KIF6: variants seen among roughly 807,000 people sequenced by gnomAD.
The protein encoded by KIF6 is kinesin family member 6.
Under a neutral mutation model 112.7 loss-of-function variants are expected in KIF6, and 106 were observed. The observed-to-expected ratio is 0.94, with a 90% CI of 0.80 to 1.11. The LOEUF (loss-of-function observed/expected upper bound fraction) is 1.11, where lower values mean the gene tolerates loss of function less well. Among genes scored for constraint, KIF6 ranks in the 50% least tolerant of loss-of-function variants. The pLI, the probability that KIF6 is intolerant of heterozygous loss-of-function variation, is 0.00. For missense variants in KIF6, 929 were observed against 964.0 expected, an observed-to-expected ratio of 0.96 and a Z score of 0.48; for synonymous variants, 339 against 339.9, an observed-to-expected ratio of 1.00 and a Z score of 0.03.
At chr6:39,529,058 AG>A (rs1236320699) in intron 13 of KIF6, among the ~76,000 whole-genome samples, 2 of 152,210 alleles carry the variant, frequency 1.3e-5, no homozygotes, top group Non-Finnish European at 2.9e-5. Flanking sequence ...AGAATACACA[AG>A]GAGAAAAAGA....
At chr6:39,357,826 A>T (rs958634366) in intron 18 of KIF6, among the ~76,000 whole-genome samples, 2 of 152,172 alleles carry the variant, frequency 1.3e-5, no homozygotes, top group Admixed American at 6.5e-5. Flanking sequence ...ACAAATCTAG[A>T]CATGGTAATG....
intron 7 of KIF6, among the ~76,000 whole-genome samples, chr6:39,590,451 A>ATTTTTTTT (rs58169713): frequency 3.5e-4 from 30 of 84,732 alleles, no homozygotes; most frequent in African/African-American, 1.4e-3. Flanking sequence ...ATATATATAT[A>ATTTTTTTT]TTTTTTTTTT....
intron 13 of KIF6, among the ~76,000 whole-genome samples, chr6:39,536,981 T>C (rs1778469050): frequency 6.6e-6 from 1 of 152,122 alleles, no homozygotes. Context: ...ATTATCTCAA[T>C]AGATGCAGAA....
chr6:39,437,255 A>G (rs1471045910), intron 13 of KIF6, among the ~76,000 whole-genome samples: 1 of 152,236 alleles, frequency 6.6e-6, no homozygotes, highest in Non-Finnish European at 1.5e-5. Flanking sequence ...TATCAAATCT[A>G]GCAATCTTTC....
At chr6:39,588,174 T>C (rs1781739164) in intron 7 of KIF6, among the ~76,000 whole-genome samples, 1 of 152,190 alleles carries the variant, frequency 6.6e-6, no homozygotes, top group South Asian at 2.1e-4. Context: ...ACTTTCTCCC[T>C]ATGTAATCTC....
chr6:39,379,002 A>G (rs1766692041), intron 16 of KIF6, among the ~76,000 whole-genome samples: 1 of 152,194 alleles, frequency 6.6e-6, no homozygotes, highest in Non-Finnish European at 1.5e-5. Context: ...GTTGAATAAC[A>G]TTTCGGTATC....
intron 1 of KIF6, among the ~76,000 whole-genome samples, chr6:39,723,665 G>A (rs1365070954): frequency 6.6e-6 from 1 of 152,144 alleles, no homozygotes; most frequent in Admixed American, 6.5e-5. Flanking sequence ...AACACCACAT[G>A]TTCTCACTCA....
intron 1 of KIF6, among the ~76,000 whole-genome samples, chr6:39,721,174 A>G (rs1790194965): frequency 6.6e-6 from 1 of 152,210 alleles, no homozygotes; most frequent in African/African-American, 2.4e-5. Context: ...TTAACATTTT[A>G]CTACAATCAA....
chr6:39,665,626 T>C (rs1482173562), intron 3 of KIF6, among the ~76,000 whole-genome samples: 1 of 152,104 alleles, frequency 6.6e-6, no homozygotes, highest in Non-Finnish European at 1.5e-5. Context: ...GAATAGACTA[T>C]AAGCAACTGC....
At chr6:39,696,567 ATTGTC>A (rs1788551476) in intron 3 of KIF6, among the ~76,000 whole-genome samples, 1 of 152,000 alleles carries the variant, frequency 6.6e-6, no homozygotes, top group Non-Finnish European at 1.5e-5. Context: ...TTAAGTCACT[ATTGTC>A]TTAAGTTTTT....
intron 11 of KIF6, 62 bp from the exon 12 acceptor site, chr6:39,544,755 A>T: frequency 9.6e-7 from 1 of 1,045,144 alleles, no homozygotes; most frequent in Non-Finnish European, 1.4e-6. Flanking sequence ...TGTTTCTTTG[A>T]CTCTTTTTCC....
intron 10 of KIF6, among the ~76,000 whole-genome samples, chr6:39,573,107 A>T (rs1480473862): frequency 6.6e-6 from 1 of 151,848 alleles, no homozygotes; most frequent in Non-Finnish European, 1.5e-5. Context: ...AACCTGCAGG[A>T]ATCTGCAGGA....
At chr6:39,429,708 A>G (rs1416701273) in intron 14 of KIF6, among the ~76,000 whole-genome samples, 3 of 152,158 alleles carry the variant, frequency 2.0e-5, no homozygotes, top group East Asian at 1.9e-4. Context: ...AGCAGATGAG[A>G]CCATCGTGGC....
At chr6:39,539,955 G>A (rs765745253) in intron 13 of KIF6, 48 bp downstream of exon 13, 5 of 1,407,638 alleles carry the variant, frequency 3.6e-6, no homozygotes, top group Admixed American at 2.3e-5. Context: ...GTGCTACATC[G>A]AAATCCATTA....
chr6:39,566,409 G>A (rs919538668), intron 10 of KIF6, among the ~76,000 whole-genome samples: 3 of 152,080 alleles, frequency 2.0e-5, no homozygotes, highest in African/African-American at 7.2e-5. Context: ...TAAAGGTTTC[G>A]GCAAACATCT....
chr6:39,603,829 A>T (rs1033822498), intron 6 of KIF6, among the ~76,000 whole-genome samples: 2 of 152,146 alleles, frequency 1.3e-5, no homozygotes, highest in Non-Finnish European at 2.9e-5. Flanking sequence ...CTAGGGTACC[A>T]CTTACTTATT....
chr6:39,723,507 T>C (rs887919101), intron 1 of KIF6, among the ~76,000 whole-genome samples: 10 of 152,196 alleles, frequency 6.6e-5, no homozygotes, highest in Non-Finnish European at 1.5e-5. Context: ...CCATCAGTGA[T>C]AGACTGGTTA....
At chr6:39,419,882 A>G in intron 15 of KIF6, 66 bp downstream of exon 15, 1 of 1,388,414 alleles carries the variant, frequency 7.2e-7, no homozygotes, top group Non-Finnish European at 1.0e-6. Context: ...TTGGAGGCAC[A>G]TCATGACCTG....
intron 13 of KIF6, among the ~76,000 whole-genome samples, chr6:39,535,183 T>C (rs556725171): frequency 6.6e-6 from 1 of 152,168 alleles, no homozygotes; most frequent in Admixed American, 6.5e-5. Context: ...GCTGACATCA[T>C]AATGACAGGA....
Sources: allele counts gnomAD v4.1 joint callset (sites outside exome capture counted in the v4.1 genomes callset), GRCh38; gene constraint gnomAD v4.1.1; transcripts MANE v1.5; gene names NCBI Gene and HGNC (gene_info 2026-07-23, HGNC 2026-07-21).